The following HSPG2 variants were observed in gnomAD, a reference collection of about 807,000 sequenced individuals.
The protein encoded by HSPG2 is heparan sulfate proteoglycan 2.
HSPG2 carries 278 observed loss-of-function variants against 526.6 expected under a neutral mutation model. That is an observed-to-expected ratio of 0.53 (90% CI 0.48 to 0.58). The LOEUF (loss-of-function observed/expected upper bound fraction) is 0.58, where lower values mean the gene tolerates loss of function less well. Ranked by LOEUF, HSPG2 falls within the 20% of genes least tolerant of loss-of-function variation. The pLI is 0.00. For synonymous variants in HSPG2, 2,465 were observed against 2,555.4 expected, an observed-to-expected ratio of 0.96 and a Z score of 1.07; for missense variants, 5,354 against 6,099.5, an observed-to-expected ratio of 0.88 and a Z score of 4.07.
At chr1:21,825,661 G>A (rs1364370554) in intron 91 of HSPG2, among the ~76,000 whole-genome samples, 1 of 152,196 alleles carries the variant, frequency 6.6e-6, no homozygotes, top group Non-Finnish European at 1.5e-5. Flanking sequence ...GAGAACGGCT[G>A]ACATTTACCT....
Position 21,887,160 on chromosome 1 carries a change from G to C in HSPG2, c.1078+55C>G. On this transcript the variant is annotated intron_variant, in intron 9 of 96. Transcript: ENST00000374695. The surrounding 1 kb of genome is among the most constrained non-coding windows in gnomAD (Gnocchi z 5.0). ...GGGGCAGGAGTGGAAGGCGGGGCAGGAGCAAGCGGCCTGGGCAGGGCAAGG... is the reference window on the plus strand; with the variant it reads ...GGGGCAGGAGTGGAAGGCGGGGCAGCAGCAAGCGGCCTGGGCAGGGCAAGG... 2 of 1,607,366 alleles carry C rather than the reference G, an allele frequency of 1.2e-6. No individual in the cohort carries two copies.
At chr1:21,856,012 T>G (rs1481571720) in intron 44 of HSPG2, 100 bp from the exon 45 acceptor site, 5 of 1,498,796 alleles carry the variant, frequency 3.3e-6, no homozygotes, top group Non-Finnish European at 4.5e-6. Flanking sequence ...AGGCTAGCCC[T>G]CCACGGCCAT....
Position 21,847,756 on chromosome 1 carries a change from A to T in HSPG2, c.7958T>A (p.Val2653Asp). The T allele has an allele frequency of 1.9e-6, 3 of 1,613,304 alleles. No individual in the cohort carries two copies. The highest frequency in any genetic ancestry group is 2.5e-6 in the Non-Finnish European group (3 of 1,179,850). The change falls in exon 61 of 97, where the codon GTC becomes GAC. Residue 2653 changes from valine (V) to aspartate (D), a missense_variant. Coordinates refer to ENST00000374695, the MANE Select transcript of HSPG2 (RefSeq NM_005529.7). The surrounding 1 kb of genome is among the most constrained non-coding windows in gnomAD (Gnocchi z 4.1). ...GATGATAGCCTGGGGCTGCCTGGCGACCACGCAGTTCAGATCCAAGGTCTG... is the reference window on the plus strand; with the variant it reads ...GATGATAGCCTGGGGCTGCCTGGCGTCCACGCAGTTCAGATCCAAGGTCTG... ...EGQTLDLNCV[V>D]ARQPQAIITW...
chr1:21,907,949 CA>C (rs1643465749), intron 1 of HSPG2: 2 of 509,310 alleles, frequency 3.9e-6, no homozygotes, highest in Non-Finnish European at 7.3e-6. Context: ...TGGGCACGAT[CA>C]TTCATAGTAA....
intron 1 of HSPG2, among the ~76,000 whole-genome samples, chr1:21,910,558 A>G (rs2152787295): frequency 6.6e-6 from 1 of 152,322 alleles, no homozygotes; most frequent in Non-Finnish European, 1.5e-5. Context: ...GGTTAGGATG[A>G]GTAGTGTCTC....
chr1:21,855,162 C>T, intron 47 of HSPG2, 142 bp downstream of exon 47: 1 of 1,361,442 alleles, frequency 7.3e-7, no homozygotes, highest in Non-Finnish European at 1.0e-6. Flanking sequence ...TGCTGGGATG[C>T]AGGGGCAGGA....
Position 21,865,956 on chromosome 1 carries a change from G to A in HSPG2, c.4222-147C>T. 1 of 685,658 alleles carries A rather than the reference G, an allele frequency of 1.5e-6. No individual in the cohort carries two copies. 42.5% of individuals were successfully genotyped at this position (685,658 alleles called of 1,614,324 possible). On this transcript the variant is annotated intron_variant, in intron 33 of 96. Coordinates refer to ENST00000374695, the MANE Select transcript of HSPG2 (RefSeq NM_005529.7). This position sits in a 1 kb window ranked among gnomAD's most constrained non-coding sequence, Gnocchi z 5.4. Reference sequence around the variant, plus strand: ...TCCCTGCCCAAACCAAGAGGCCAGGGTGCATGGTTGCCTGGGAAACAGGAC... The same window carrying A: ...TCCCTGCCCAAACCAAGAGGCCAGGATGCATGGTTGCCTGGGAAACAGGAC...
At position 21,904,352 on chromosome 1, in the gene HSPG2, G is replaced by A. The variant is rs1407568631; in HGVS notation, c.64-8042C>T. Among the ~76,000 whole-genome samples the A allele has an allele frequency of 6.6e-6, 1 of 152,178 alleles. No individual in the cohort carries two copies. The highest frequency in any genetic ancestry group is 2.4e-5 in the African/African-American group (1 of 41,430). ...GGGAAGGGCACACGCTGAGGCCAGG[G>A]CTGGAGAGGGCACGGCACGTTCGCG... On this transcript the variant is annotated intron_variant, in intron 1 of 96. Transcript: ENST00000374695. The surrounding 1 kb of genome is among the most constrained non-coding windows in gnomAD (Gnocchi z 4.4).
rs538956739 is a variant in HSPG2 at position 21,873,224 on chromosome 1, G to A, written c.3794-133C>T. The stretch of plus-strand genomic sequence containing the variant: ...ACTCAACACTCTCACGACAGCCCTC[G>A]GAGGTGGTGGGGCCTTCTCCTATCC... On this transcript the variant is annotated intron_variant, in intron 30 of 96. Coordinates refer to ENST00000374695, the MANE Select transcript of HSPG2 (RefSeq NM_005529.7). The A allele has an allele frequency of 1.7e-4, 200 of 1,147,354 alleles. No homozygotes were observed. The African/African-American group carries it at 1.8e-3, about 11-fold the overall frequency. The allele number at this position is 1,147,354 out of a possible 1,614,324, so 71.1% of individuals were successfully genotyped here.
Position 21,857,272 on chromosome 1 carries a change from C to T in HSPG2, c.5394+13G>A. 1 of 1,614,114 alleles carries T rather than the reference C, an allele frequency of 6.2e-7. No individual in the cohort carries two copies. The highest frequency in any genetic ancestry group is 1.1e-5 in the South Asian group (1 of 91,082). On this transcript the variant is annotated intron_variant, in intron 43 of 96. Transcript: ENST00000374695. ...GACAGACTTCCTCCATCCCCACTCC[C>T]TGACCTGCACACCTTGCTTTTGGCT...
chr1:21,928,875 T>G (rs1644276282), intron 1 of HSPG2, among the ~76,000 whole-genome samples: 4 of 152,034 alleles, frequency 2.6e-5, no homozygotes, highest in Non-Finnish European at 1.5e-5. Flanking sequence ...TCAGCCTCCC[T>G]GAGTAGCTGG....
chr1:21,838,783 AG>A, intron 74 of HSPG2, 41 bp downstream of exon 74: 1 of 1,601,888 alleles, frequency 6.2e-7, no homozygotes, highest in East Asian at 2.2e-5. Flanking sequence ...AAGGGCCAGG[AG>A]GAAAGGTGAT....
intron 1 of HSPG2, among the ~76,000 whole-genome samples, chr1:21,918,550 A>G (rs1418493550): frequency 6.6e-6 from 1 of 151,986 alleles, no homozygotes; most frequent in South Asian, 2.1e-4. Flanking sequence ...TTTATTTAAC[A>G]CTATGTGCCA....
Position 21,865,583 on chromosome 1 carries a change from G to T in HSPG2, c.4314+134C>A. 3.3e-6 allele frequency: 3 copies of T among 899,508 alleles called. No individual in the cohort carries two copies. Among genetic ancestry groups the T allele is most frequent in the Non-Finnish European group, 5.5e-6 (3 of 540,646 alleles). The allele number at this position is 899,508 out of a possible 1,614,324, so 55.7% of individuals were successfully genotyped here. ...GTGTCCAACCAGGCAGGGATGTGGGGGCATGGGCCTAACTCCCCCAGCCTG... is the reference window on the plus strand; with the variant it reads ...GTGTCCAACCAGGCAGGGATGTGGGTGCATGGGCCTAACTCCCCCAGCCTG... On this transcript the variant is annotated intron_variant, in intron 34 of 96. Transcript: ENST00000374695. The surrounding 1 kb of genome is among the most constrained non-coding windows in gnomAD (Gnocchi z 5.4).
At position 21,839,892 on chromosome 1, in the gene HSPG2, C is replaced by A. The variant is rs777153750; in HGVS notation, c.9639G>T (p.Gln3213His). 2.5e-6 allele frequency: 4 copies of A among 1,614,168 alleles called. 1 individual carries two copies. In the South Asian group the frequency reaches 4.4e-5, roughly 18 times the overall value. Residue 3213 changes from glutamine (Q) to histidine (H), a missense_variant, in exon 72 of 97, where the codon CAG becomes CAT. Coordinates refer to ENST00000374695, the MANE Select transcript of HSPG2 (RefSeq NM_005529.7). The surrounding 1 kb of genome is among the most constrained non-coding windows in gnomAD (Gnocchi z 4.5). ...DTGAMAPGAP[Q>H]VQAEEAELTV... is the part of the protein sequence containing the mutation. ...TCAGCTCAGCTTCTTCAGCTTGGAC[C>A]TGAGGGGCCCCTGGGGCCATGGCGC...
intron 20 of HSPG2, 57 bp from the exon 21 acceptor site, chr1:21,878,310 G>A: frequency 6.3e-7 from 1 of 1,593,348 alleles, no homozygotes; most frequent in East Asian, 2.3e-5. Flanking sequence ...ACGTGGTCCG[G>A]GCAGATAGAG....
At chr1:21,928,472 G>A (rs763394892) in intron 1 of HSPG2, among the ~76,000 whole-genome samples, 16 of 152,324 alleles carry the variant, frequency 1.1e-4, no homozygotes, top group African/African-American at 9.6e-5. Flanking sequence ...ACAGAGTCTC[G>A]CAATGACGCC....
intron 1 of HSPG2, among the ~76,000 whole-genome samples, chr1:21,896,633 A>C (rs1055922570): frequency 3.3e-5 from 5 of 152,144 alleles, no homozygotes; most frequent in African/African-American, 1.2e-4. Context: ...CACCCAGGAC[A>C]TGAGTGAGTG....
chr1:21,863,066 A>AAAAAAAAAAAAAAAC (rs1557740448), intron 37 of HSPG2, among the ~76,000 whole-genome samples: 7 of 48,082 alleles, frequency 1.5e-4, no homozygotes, highest in Non-Finnish European at 2.2e-4. Context: ...ATCTCAAAAA[A>AAAAAAAAAAAAAAAC]AAAAAAAAAA....
Sources: gnomAD v4.1 joint callset for allele counts (sites outside exome capture counted in the v4.1 genomes callset) on GRCh38, gnomAD v4.1.1 for gene constraint, Gnocchi (gnomAD v3.1) non-coding constraint, MANE v1.5 for transcripts, NCBI Gene and HGNC (gene_info 2026-07-23, HGNC 2026-07-21) for gene names.